Variants in PITPNB observed in about 807,000 individuals in gnomAD.
The protein encoded by PITPNB is phosphatidylinositol transfer protein beta.
Under a neutral mutation model 45.9 loss-of-function variants are expected in PITPNB, and 16 were observed. The observed-to-expected ratio is 0.35, with a 90% CI of 0.24 to 0.53. The LOEUF (loss-of-function observed/expected upper bound fraction) is 0.53, where lower values mean the gene tolerates loss of function less well. Among genes scored for constraint, PITPNB ranks in the 20% least tolerant of loss-of-function variants. The probability of loss-of-function intolerance (pLI) is 0.93; values close to 1 mark genes in which losing one functional copy is unlikely to be tolerated. For synonymous variants in PITPNB, 112 were observed against 108.9 expected (o/e 1.03, Z -0.18); for missense variants, 188 against 330.5 (o/e 0.57, Z 3.34).
At chr22:27,859,329 C>A (rs1236678455) in intron 9 of PITPNB, among the ~76,000 whole-genome samples, 5 of 152,114 alleles carry the variant, frequency 3.3e-5, no homozygotes, top group Non-Finnish European at 7.4e-5. Flanking sequence ...ACTTTGAGAT[C>A]CTTGTCTTAT....
intron 3 of PITPNB, among the ~76,000 whole-genome samples, chr22:27,901,370 A>C (rs1935588330): frequency 1.3e-5 from 2 of 152,204 alleles, no homozygotes; most frequent in Non-Finnish European, 2.9e-5. Flanking sequence ...GTCTATCTGT[A>C]AACCACACAA....
intron 1 of PITPNB, among the ~76,000 whole-genome samples, chr22:27,916,754 G>A (rs945311115): frequency 6.6e-6 from 1 of 151,784 alleles, no homozygotes; most frequent in Non-Finnish European, 1.5e-5. Context: ...AGTGAGCAGA[G>A]ATCATGCCAC....
At chr22:27,864,218 T>C (rs1043212256) in intron 8 of PITPNB, among the ~76,000 whole-genome samples, 6 of 152,196 alleles carry the variant, frequency 3.9e-5, no homozygotes, top group African/African-American at 1.4e-4. Context: ...CATACAATTC[T>C]CAAAATGATT....
At position 27,854,237 on chromosome 22, in the gene PITPNB, A is replaced by ATTT. The variant is rs200320101; in HGVS notation, c.*39-577_*39-575dup. 1.0e-2 allele frequency among the ~76,000 whole-genome samples: 1,440 copies of ATTT among 144,076 alleles called. 28 individuals are homozygous for ATTT. The highest frequency in any genetic ancestry group is 0.035 in the African/African-American group (1,363 of 39,438). The allele number at this position is 144,076 out of a possible 152,430, so 94.5% of individuals were successfully genotyped here. A position where few individuals can be genotyped will look rare whatever the true frequency, so the allele number is the denominator to read the frequency against. On this transcript the variant is annotated intron_variant, in intron 11 of 11. Transcript: ENST00000335272. ...GTTTCAATTTGTGAGGGAGATTTTG[A>ATTT]TTTTTTTTTTTTTGCATCTCTGGGA...
intron 3 of PITPNB, among the ~76,000 whole-genome samples, chr22:27,905,663 C>T (rs1022161632): frequency 6.6e-6 from 1 of 152,148 alleles, no homozygotes; most frequent in Non-Finnish European, 1.5e-5. Context: ...CTGTTTCGAC[C>T]TTTGGGAAAC....
At chr22:27,912,815 C>T (rs549264848) in intron 2 of PITPNB, among the ~76,000 whole-genome samples, 1 of 151,590 alleles carries the variant, frequency 6.6e-6, no homozygotes, top group East Asian at 1.9e-4. Flanking sequence ...AACCCGGTCT[C>T]TAATAAATAT....
chr22:27,882,329 C>T (rs930343623), intron 7 of PITPNB, among the ~76,000 whole-genome samples: 2 of 151,958 alleles, frequency 1.3e-5, no homozygotes, highest in African/African-American at 2.4e-5. Context: ...ATGGTATGTT[C>T]GAAATGAAAA....
chr22:27,863,616 A>G (rs1205216415), intron 8 of PITPNB, among the ~76,000 whole-genome samples: 2 of 152,190 alleles, frequency 1.3e-5, no homozygotes, highest in East Asian at 1.9e-4. Context: ...TACAACTTCA[A>G]ATCATTGGAC....
At chr22:27,898,829 T>C (rs1385640144) in intron 3 of PITPNB, among the ~76,000 whole-genome samples, 1 of 152,026 alleles carries the variant, frequency 6.6e-6, no homozygotes, top group Admixed American at 6.6e-5. Flanking sequence ...TCAGAAACAA[T>C]CCCAACATAT....
chr22:27,901,306 T>C (rs1346197941), intron 3 of PITPNB, among the ~76,000 whole-genome samples: 1 of 152,196 alleles, frequency 6.6e-6, no homozygotes, highest in African/African-American at 2.4e-5. Flanking sequence ...ATTCCTTTTT[T>C]AATCCTATTC....
intron 1 of PITPNB, among the ~76,000 whole-genome samples, chr22:27,916,490 C>A (rs1446803865): frequency 1.3e-5 from 2 of 152,172 alleles, no homozygotes; most frequent in East Asian, 3.8e-4. Context: ...CCTCGAAAGT[C>A]ATTTCTAACA....
At chr22:27,883,484 C>G (rs1238084349) in intron 7 of PITPNB, among the ~76,000 whole-genome samples, 2 of 152,256 alleles carry the variant, frequency 1.3e-5, no homozygotes, top group East Asian at 3.9e-4. Context: ...TACTAGAATG[C>G]AGCTTCTCAA....
chr22:27,909,850 GC>G (rs1259889958), intron 3 of PITPNB, among the ~76,000 whole-genome samples: 2 of 151,956 alleles, frequency 1.3e-5, no homozygotes, highest in African/African-American at 4.8e-5. Context: ...AGTGATCACA[GC>G]CCACTGCAAC....
intron 3 of PITPNB, among the ~76,000 whole-genome samples, chr22:27,903,777 C>CAA (rs58453570): frequency 0.024 from 1,996 of 84,058 alleles, 12 homozygotes; most frequent in Non-Finnish European, 0.033. Flanking sequence ...CCCTGTCTCC[C>CAA]AAAAAAAAAA....
chr22:27,908,119 G>A (rs957838693), intron 3 of PITPNB, among the ~76,000 whole-genome samples: 23 of 151,732 alleles, frequency 1.5e-4, no homozygotes, highest in African/African-American at 4.8e-4. Flanking sequence ...TTCAACTTAC[G>A]AGACTCCTTA....
At chr22:27,894,056 C>T (rs1167210869) in intron 7 of PITPNB, 1 of 152,116 alleles carries the variant, frequency 6.6e-6, no homozygotes, top group Non-Finnish European at 1.5e-5. Flanking sequence ...AGCTAAACAA[C>T]TATTAAATTA....
intron 7 of PITPNB, among the ~76,000 whole-genome samples, chr22:27,892,404 G>A (rs1435468084): frequency 6.6e-6 from 1 of 152,164 alleles, no homozygotes; most frequent in Non-Finnish European, 1.5e-5. Flanking sequence ...GGTGAACAAC[G>A]TAGACTGCAA....
chr22:27,918,674 C>T (rs760022059), intron 1 of PITPNB, among the ~76,000 whole-genome samples: 1 of 152,220 alleles, frequency 6.6e-6, no homozygotes, highest in African/African-American at 2.4e-5. Context: ...CTTCAAGGCG[C>T]CAGCGTCCCA....
intron 3 of PITPNB, among the ~76,000 whole-genome samples, chr22:27,908,349 A>AT (rs1292538411): frequency 7.3e-6 from 1 of 136,662 alleles, no homozygotes; most frequent in Non-Finnish European, 1.6e-5. Context: ...TTTTTTTCTG[A>AT]TTTTTTTCAA....
Sources: gnomAD v4.1 joint callset for allele counts (sites outside exome capture counted in the v4.1 genomes callset) on GRCh38, gnomAD v4.1.1 for gene constraint, MANE v1.5 for transcripts, NCBI Gene and HGNC (gene_info 2026-07-23, HGNC 2026-07-21) for gene names.